STK3: variants seen among roughly 807,000 people sequenced by gnomAD.
The protein encoded by STK3 is serine/threonine-protein kinase 3.
Under a neutral mutation model 58.0 loss-of-function variants are expected in STK3, and 41 were observed. The observed-to-expected ratio is 0.71, with a 90% confidence interval of 0.55 to 0.92. The LOEUF is 0.92. Ranked by LOEUF, STK3 falls within the 40% of genes least tolerant of loss-of-function variation. STK3 has a pLI of 0.00. For missense variants in STK3, 479 were observed against 602.7 expected (o/e 0.79, Z 2.15); for synonymous variants, 170 against 191.0 (o/e 0.89, Z 0.91).
chr8:98,680,806 A>G lies in STK3; in HGVS notation c.684+25661T>C, dbSNP rs930580044. 7.9e-5 allele frequency among the ~76,000 whole-genome samples: 12 copies of G among 152,320 alleles called. No homozygotes were observed. The South Asian group carries it at 1.2e-3, about 16-fold the overall frequency. On this transcript the variant is annotated intron_variant, in intron 6 of 10. Coordinates refer to ENST00000419617, the MANE Select transcript of STK3 (RefSeq NM_006281.4). ...GAGAACTAAATAAAATAACAGAGGA[A>G]TAAGATGGAATAACTTCCAAATAAA...
chr8:98,356,250 C>G, the STK3 span, among the ~76,000 whole-genome samples: 1 of 152,194 alleles, frequency 6.6e-6, no homozygotes, highest in African/African-American at 2.4e-5. Flanking sequence ...AAGGAAAGTG[C>G]TGTTTCCTAG....
intron 3 of STK3, among the ~76,000 whole-genome samples, chr8:98,854,283 T>C (rs1836587024): frequency 6.6e-6 from 1 of 152,008 alleles, no homozygotes; most frequent in South Asian, 2.1e-4. Context: ...GGATTACAGG[T>C]GCCCACCACA....
intron 8 of STK3, among the ~76,000 whole-genome samples, chr8:98,554,876 A>G (rs1811476214): frequency 6.6e-6 from 1 of 152,098 alleles, no homozygotes; most frequent in African/African-American, 2.4e-5. Context: ...TTTATAATGA[A>G]ACATTTATGT....
At chr8:98,763,205 T>C (rs906566683) in intron 3 of STK3, among the ~76,000 whole-genome samples, 9 of 152,314 alleles carry the variant, frequency 5.9e-5, no homozygotes, top group African/African-American at 1.4e-4. Context: ...AGAAGTTGAA[T>C]CTAGCACTAA....
At chr8:98,872,752 A>G (rs1191436325) in intron 3 of STK3, among the ~76,000 whole-genome samples, 1 of 151,850 alleles carries the variant, frequency 6.6e-6, no homozygotes, top group Non-Finnish European at 1.5e-5. Context: ...TAGTCTTGCT[A>G]GTGGTCTATC....
intron 4 of STK3, among the ~76,000 whole-genome samples, chr8:98,724,741 T>G (rs1827678567): frequency 2.0e-5 from 3 of 152,176 alleles, no homozygotes; most frequent in African/African-American, 7.2e-5. Flanking sequence ...GAGACTTGTG[T>G]GGTAGAATTA....
intron 4 of STK3, among the ~76,000 whole-genome samples, chr8:98,735,345 G>GT (rs1175244229): frequency 6.6e-6 from 1 of 152,092 alleles, no homozygotes; most frequent in Non-Finnish European, 1.5e-5. Flanking sequence ...CTAATTAAAT[G>GT]TAACTCCCAT....
chr8:98,705,275 T>C (rs1194346177), intron 6 of STK3, among the ~76,000 whole-genome samples: 2 of 152,012 alleles, frequency 1.3e-5, no homozygotes, highest in African/African-American at 2.4e-5. Context: ...TAGTTGGGCA[T>C]GGTGGTGCAT....
intron 1 of STK3, among the ~76,000 whole-genome samples, chr8:98,785,555 G>T (rs1431780457): frequency 1.3e-5 from 2 of 152,072 alleles, no homozygotes; most frequent in Non-Finnish European, 2.9e-5. Flanking sequence ...CTTTCCCTCT[G>T]CCCCCTCAGG....
In STK3 at chr8:98,428,925, C is replaced by T. The variant is rs567674235; in HGVS notation, n.483+5202G>A. ...GCTGGCCAGGCACTCCACTGGCCTCCGCTCCCTGGGGGCCACTTTGAAATA... is the reference window on the plus strand; with the variant it reads ...GCTGGCCAGGCACTCCACTGGCCTCTGCTCCCTGGGGGCCACTTTGAAATA... On this transcript the variant is annotated intron_variant and non_coding_transcript_variant, in intron 3 of 3. Transcript: ENST00000517832. This position sits in a 1 kb window ranked among gnomAD's most constrained non-coding sequence, Gnocchi z 6.7. 13 of 1,614,140 alleles carry T rather than the reference C, an allele frequency of 8.1e-6. No individual in the cohort carries two copies. Among genetic ancestry groups the T allele is most frequent in the South Asian group, 4.4e-5 (4 of 91,076 alleles).
chr8:98,693,464 TA>T (rs1824572492), intron 6 of STK3, among the ~76,000 whole-genome samples: 1 of 152,062 alleles, frequency 6.6e-6, no homozygotes, highest in African/African-American at 2.4e-5. Flanking sequence ...AGGCAGAGAT[TA>T]GAGTAAGACA....
intron 2 of STK3, among the ~76,000 whole-genome samples, chr8:98,378,061 G>T (rs1329838632): frequency 6.6e-6 from 1 of 152,220 alleles, no homozygotes; most frequent in Non-Finnish European, 1.5e-5. Context: ...ATCCAGAGGA[G>T]AGAGGAGGAA....
rs2131841712 is a variant in STK3 at position 98,856,716 on chromosome 8, G to C, written c.110+26931C>G. 1.3e-5 allele frequency among the ~76,000 whole-genome samples: 2 copies of C among 152,280 alleles called. 1 individual carries two copies. The highest frequency in any genetic ancestry group is 4.1e-4 in the South Asian group (2 of 4,826). ...ATTTCACTATTAGGTATATGCCCAAGAGAAATAAAAACATCTGTCCACACA... is the reference window on the plus strand; with the variant it reads ...ATTTCACTATTAGGTATATGCCCAACAGAAATAAAAACATCTGTCCACACA... On this transcript the variant is annotated intron_variant, in intron 3 of 12. Coordinates refer to the STK3 transcript ENST00000523601.
rs149633602 is a variant in STK3 at position 98,443,896 on chromosome 8, C to T, written n.186-6688G>A. Among the ~76,000 whole-genome samples, 6 of 152,206 alleles carry T rather than the reference C, an allele frequency of 3.9e-5. No homozygotes were observed. The East Asian group carries it at 7.7e-4, about 20-fold the overall frequency. On this transcript the variant is annotated intron_variant and non_coding_transcript_variant, in intron 1 of 3. Transcript: ENST00000517832. ...TGCATCATAAGAAATCAAACCAGGG[C>T]GACAGAGCAAGACTATGTCTCTAAA...
At chr8:98,347,116 A>G in the STK3 span, among the ~76,000 whole-genome samples, 1 of 151,958 alleles carries the variant, frequency 6.6e-6, no homozygotes, top group South Asian at 2.1e-4. Flanking sequence ...AGAATGTAAA[A>G]TGTTAGAGAT....
chr8:98,628,753 G>T (rs1056366395), intron 6 of STK3, among the ~76,000 whole-genome samples: 9 of 130,504 alleles, frequency 6.9e-5, no homozygotes, highest in Non-Finnish European at 4.6e-5. Flanking sequence ...AGTGAGCTAT[G>T]ATCACACCAC....
intron 3 of STK3, among the ~76,000 whole-genome samples, chr8:98,751,289 CA>C (rs908030119): frequency 1.3e-5 from 2 of 152,124 alleles, no homozygotes; most frequent in African/African-American, 4.8e-5. Context: ...AAAGGTCATC[CA>C]AATAGGAAGA....
At chr8:98,817,934 C>A (rs1164158134) in intron 1 of STK3, among the ~76,000 whole-genome samples, 1 of 152,190 alleles carries the variant, frequency 6.6e-6, no homozygotes, top group Non-Finnish European at 1.5e-5. Context: ...TGACTTAAAT[C>A]CAAATTCCTT....
intron 1 of STK3, among the ~76,000 whole-genome samples, chr8:98,804,137 G>T (rs1833760953): frequency 1.3e-5 from 2 of 152,074 alleles, no homozygotes; most frequent in South Asian, 4.1e-4. Context: ...AAGTAGCTGG[G>T]ATTACAGGTG....
Sources: gnomAD v4.1 joint callset for allele counts (sites outside exome capture counted in the v4.1 genomes callset) on GRCh38, gnomAD v4.1.1 for gene constraint, Gnocchi (gnomAD v3.1) non-coding constraint, MANE v1.5 for transcripts, NCBI Gene and HGNC (gene_info 2026-07-23, HGNC 2026-07-21) for gene names.